Variants in EPS15L1 observed in about 807,000 individuals in gnomAD.
The protein encoded by EPS15L1 is epidermal growth factor receptor substrate 15-like 1.
EPS15L1 carries 43 observed loss-of-function variants against 117.1 expected under a neutral mutation model. The observed-to-expected ratio is 0.37, with a 90% CI of 0.29 to 0.47. The LOEUF (loss-of-function observed/expected upper bound fraction) is 0.47. EPS15L1 is among the 20% of genes least tolerant of loss of function. The probability of loss-of-function intolerance (pLI) is 0.99; values close to 1 mark genes in which losing one functional copy is unlikely to be tolerated. For synonymous variants in EPS15L1, 459 were observed against 470.5 expected, an observed-to-expected ratio of 0.98 and a Z score of 0.32; for missense variants, 981 against 1,164.0, an observed-to-expected ratio of 0.84 and a Z score of 2.29.
At chr19:16,398,585 G>C (rs1442268879) in intron 16 of EPS15L1, among the ~76,000 whole-genome samples, 1 of 152,188 alleles carries the variant, frequency 6.6e-6, no homozygotes, top group South Asian at 2.1e-4. Context: ...AGAAAGAGAG[G>C]AATCATGACC....
At chr19:16,413,469 A>G (rs1000966170) in intron 13 of EPS15L1, 37 of 738,226 alleles carry the variant, frequency 5.0e-5, no homozygotes, top group Non-Finnish European at 8.3e-5. Flanking sequence ...CTGGAAGGAG[A>G]CTGTATTCAC....
chr19:16,425,102 T>G lies in EPS15L1; in HGVS notation c.773A>C (p.His258Pro). The G allele has an allele frequency of 6.2e-7, 1 of 1,614,194 alleles. No individual in the cohort carries two copies. Among genetic ancestry groups the G allele is most frequent in the Non-Finnish European group, 8.5e-7 (1 of 1,180,002 alleles). The stretch of plus-strand genomic sequence containing the variant: ...CCGTACCTGTGTTTGCTTGAGGCTG[T>G]GCTTGGGGGACAGGCTCCCTGTGCT... ...LNSTGSLSPK[H>P]SLKQTQPTVN... The change falls in exon 9 of 24, where the codon CAC becomes CCC. Residue 258 changes from histidine (H) to proline (P), a missense_variant. Physicochemically the swap from His to Pro is moderately conservative, Grantham distance 77. This residue lies in a region of EPS15L1 where 819 missense variants were observed against 949.0 expected (regional missense o/e 0.86). Coordinates refer to ENST00000455140, the MANE Select transcript of EPS15L1 (RefSeq NM_001258374.3).
rs1016138368 is a variant in EPS15L1 at position 16,359,062 on chromosome 19, C to T, written c.2586+2717G>A. Reference sequence around the variant, plus strand: ...TTAGAGGGTTCTGGAGAGGCACCGCCGGGGCACCACCTCCACAAGTGAGGT... The same window carrying T: ...TTAGAGGGTTCTGGAGAGGCACCGCTGGGGCACCACCTCCACAAGTGAGGT... On this transcript the variant is annotated intron_variant, in intron 23 of 23. Coordinates refer to ENST00000455140, the MANE Select transcript of EPS15L1 (RefSeq NM_001258374.3). Among the ~76,000 whole-genome samples the T allele has an allele frequency of 6.6e-5, 10 of 152,148 alleles. No homozygotes were observed. In the South Asian group the frequency reaches 1.7e-3, roughly 25 times the overall value.
chr19:16,407,943 A>C (rs2092671789), intron 13 of EPS15L1, among the ~76,000 whole-genome samples: 1 of 152,196 alleles, frequency 6.6e-6, no homozygotes, highest in South Asian at 2.1e-4. Context: ...CAAACCCCTG[A>C]ACTGAGGCAT....
intron 1 of EPS15L1, among the ~76,000 whole-genome samples, chr19:16,455,582 C>G (rs1183124915): frequency 6.6e-6 from 1 of 152,242 alleles, no homozygotes; most frequent in East Asian, 1.9e-4. Context: ...GTTCTCCCAT[C>G]TTGCTTCACT....
chr19:16,460,153 C>T (rs2093234919), intron 1 of EPS15L1, among the ~76,000 whole-genome samples: 1 of 152,072 alleles, frequency 6.6e-6, no homozygotes, highest in Non-Finnish European at 1.5e-5. Flanking sequence ...TGGTGGTGTG[C>T]TGAGGAGCAC....
intron 23 of EPS15L1, chr19:16,356,982 G>C (rs2091988216): frequency 6.6e-6 from 1 of 152,320 alleles, no homozygotes; most frequent in Admixed American, 6.5e-5. Context: ...CAACACTGGA[G>C]TAACACCAAA....
At chr19:16,456,719 C>A (rs945801601) in intron 1 of EPS15L1, among the ~76,000 whole-genome samples, 1 of 151,996 alleles carries the variant, frequency 6.6e-6, no homozygotes, top group African/African-American at 2.4e-5. Flanking sequence ...GAAGGGCAGG[C>A]GGGACAAAGT....
chr19:16,411,338 T>C (rs1052331910), intron 13 of EPS15L1, among the ~76,000 whole-genome samples: 1 of 152,202 alleles, frequency 6.6e-6, no homozygotes, highest in Non-Finnish European at 1.5e-5. Flanking sequence ...GGATGAGGTT[T>C]CCTTTTGGGT....
chr19:16,466,757 G>T (rs1435075574), intron 1 of EPS15L1, among the ~76,000 whole-genome samples: 1 of 152,034 alleles, frequency 6.6e-6, no homozygotes, highest in Non-Finnish European at 1.5e-5. Context: ...ACAAAAATTA[G>T]CTGGGTGTGG....
intron 1 of EPS15L1, 69 bp from the exon 2 acceptor site, chr19:16,442,288 C>A: frequency 7.2e-7 from 1 of 1,397,136 alleles, no homozygotes; most frequent in South Asian, 1.2e-5. Context: ...GGGTTGCCCC[C>A]TCAATTTTGT....
At chr19:16,410,806 G>A (rs1356254392) in intron 13 of EPS15L1, among the ~76,000 whole-genome samples, 1 of 152,126 alleles carries the variant, frequency 6.6e-6, no homozygotes, top group Non-Finnish European at 1.5e-5. Flanking sequence ...CCAGCTACTC[G>A]AGAAGCTGAG....
intron 16 of EPS15L1, chr19:16,401,404 A>G: frequency 1.0e-6 from 1 of 985,424 alleles, no homozygotes; most frequent in Non-Finnish European, 1.2e-6. Flanking sequence ...AGGGAGGAAG[A>G]GGAATCCATG....
In EPS15L1 at chr19:16,401,815, T is replaced by C. The variant is rs1015774050; in HGVS notation, c.1791+506A>G. 9.1e-6 allele frequency: 9 copies of C among 986,072 alleles called. No individual in the cohort carries two copies. In the Admixed American group the frequency reaches 5.5e-4, roughly 60 times the overall value. 61.1% of individuals were successfully genotyped at this position (986,072 alleles called of 1,614,324 possible). ...AATTTCAGGAGAGGCCAATTCTTACTTGAAAGAGCAACACCCTGGGGCGCT... is the reference window on the plus strand; with the variant it reads ...AATTTCAGGAGAGGCCAATTCTTACCTGAAAGAGCAACACCCTGGGGCGCT... On this transcript the variant is annotated intron_variant, in intron 16 of 23. Transcript: ENST00000455140.
At chr19:16,364,179 C>G (rs2092100207) in intron 22 of EPS15L1, among the ~76,000 whole-genome samples, 1 of 152,218 alleles carries the variant, frequency 6.6e-6, no homozygotes, top group Non-Finnish European at 1.5e-5. Context: ...TCAGTCTCCT[C>G]CTGTGGCCTC....
intron 23 of EPS15L1, chr19:16,358,198 T>G (rs1217466651): frequency 6.5e-6 from 1 of 152,726 alleles, no homozygotes; most frequent in South Asian, 2.1e-4. Context: ...TGTTTCCAAA[T>G]GAAAGGTGTC....
In EPS15L1 at chr19:16,355,752, G is replaced by A. The variant is rs981935544; in HGVS notation, c.2686C>T (p.Leu896=). Reference sequence around the variant, plus strand: ...TTGCTGAGCGCGATGGCCAGTTCCAGGTCCTCCTGCTCCTGCCGCCGCAGC... The same window carrying A: ...TTGCTGAGCGCGATGGCCAGTTCCAAGTCCTCCTGCTCCTGCCGCCGCAGC... ...ARLRRQEQED[L]ELAIALSKAD... Residue 896 remains leucine, a synonymous_variant, in exon 24 of 24, where the codon CTG becomes TTG. Coordinates refer to ENST00000455140, the MANE Select transcript of EPS15L1 (RefSeq NM_001258374.3). 9 of 1,535,940 alleles carry A rather than the reference G, an allele frequency of 5.9e-6. No individual in the cohort carries two copies. The highest frequency in any genetic ancestry group is 1.4e-5 in the African/African-American group (1 of 73,066).
chr19:16,379,875 T>C (rs962247277), intron 21 of EPS15L1, among the ~76,000 whole-genome samples: 2 of 152,096 alleles, frequency 1.3e-5, no homozygotes, highest in African/African-American at 4.8e-5. Flanking sequence ...GACTGTAGAC[T>C]AGCCACACCA....
chr19:16,384,911 C>G (rs2092403302), intron 21 of EPS15L1, among the ~76,000 whole-genome samples: 2 of 152,200 alleles, frequency 1.3e-5, no homozygotes, highest in South Asian at 4.1e-4. Flanking sequence ...GCCAGGGGAG[C>G]CCAGGGCACC....
Sources: allele counts gnomAD v4.1 joint callset (sites outside exome capture counted in the v4.1 genomes callset), GRCh38; gene constraint gnomAD v4.1.1; regional missense constraint gnomAD v4.1.1; transcripts MANE v1.5; gene names NCBI Gene and HGNC (gene_info 2026-07-23, HGNC 2026-07-21).